Variants in CFAP300 observed in about 807,000 individuals in gnomAD.
CFAP300 encodes cilia and flagella associated protein 300.
Under a neutral mutation model 33.0 loss-of-function variants are expected in CFAP300, and 32 were observed. The ratio of observed to expected loss-of-function variants is 0.97; its 90% CI spans 0.73 to 1.30. CFAP300 has a LOEUF of 1.30. Ranked by LOEUF, CFAP300 falls within the 50% of genes most tolerant of loss-of-function variation. CFAP300 has a pLI of 0.00. For missense variants in CFAP300, 356 were observed against 318.1 expected, an observed-to-expected ratio of 1.12 and a Z score of -0.90; for synonymous variants, 102 against 106.8, an observed-to-expected ratio of 0.95 and a Z score of 0.28.
chr11:102,060,407 G>A (rs1441380208), intron 3 of CFAP300, among the ~76,000 whole-genome samples: 3 of 151,616 alleles, frequency 2.0e-5, no homozygotes, highest in Admixed American at 6.6e-5. Context: ...GTGAGCCACC[G>A]CGCCCAGCTA....
intron 5 of CFAP300, among the ~76,000 whole-genome samples, chr11:102,077,219 T>C (rs1942408329): frequency 6.6e-6 from 1 of 152,166 alleles, no homozygotes; most frequent in Non-Finnish European, 1.5e-5. Flanking sequence ...GGAGATTGTG[T>C]TGGAGATATT....
rs937913571 is a variant in CFAP300, at chr11:102,075,999, A to G, written c.562A>G (p.Ser188Gly). The G allele has an allele frequency of 6.2e-7, 1 of 1,613,404 alleles. No individual in the cohort carries two copies. Among genetic ancestry groups the G allele is most frequent in the Non-Finnish European group, 8.5e-7 (1 of 1,179,820 alleles). The change falls in exon 5 of 7, where the codon AGC becomes GGC. Residue 188 changes from serine (S) to glycine (G), a missense_variant. Coordinates refer to ENST00000434758, the MANE Select transcript of CFAP300 (RefSeq NM_032930.3). The part of the protein sequence containing the change: ...GALCQYEDVI[S>G]PYLETTKLIY... ...CCTTTGTCAATATGAGGATGTGATT[A>G]GCCCATATCTGGAAACAACAAAGCT...
Position 102,055,361 on chromosome 11 carries a change from C to CT in CFAP300, c.193-3506dup, listed in dbSNP as rs561779599. Among the ~76,000 whole-genome samples the CT allele has an allele frequency of 4.6e-3, 518 of 113,514 alleles. 25 individuals carry two copies. The highest frequency in any genetic ancestry group is 6.1e-3 in the Non-Finnish European group (358 of 59,098). 74.5% of individuals were successfully genotyped at this position (113,514 alleles called of 152,430 possible). A position where few individuals can be genotyped will look rare whatever the true frequency, so the allele number is the denominator to read the frequency against. On this transcript the variant is annotated intron_variant, in intron 2 of 6. Coordinates refer to ENST00000434758, the MANE Select transcript of CFAP300 (RefSeq NM_032930.3). ...ATTTTGTTTTACCACATGCGTTACT[C>CT]TTTTTTTTTTTTTGAGATAGGGTCT...
chr11:102,063,556 G>A (rs1236728191), intron 3 of CFAP300, among the ~76,000 whole-genome samples: 2 of 152,212 alleles, frequency 1.3e-5, no homozygotes, highest in Non-Finnish European at 2.9e-5. Flanking sequence ...AGCAGGACAA[G>A]GTGGCTCACC....
chr11:102,078,741 C>T (rs1942435012), intron 5 of CFAP300, among the ~76,000 whole-genome samples: 1 of 152,098 alleles, frequency 6.6e-6, no homozygotes, highest in Non-Finnish European at 1.5e-5. Context: ...TGGAGTCTCA[C>T]TCTATCGCCC....
chr11:102,072,616 G>A lies in CFAP300; in HGVS notation c.436-3257G>A, dbSNP rs113118956. ...CCATGCCTGGCCATATCATTATTTT[G>A]AATTTTTTTCTTATAGCTCATAAAT... On this transcript the variant is annotated intron_variant, in intron 4 of 6. Transcript: ENST00000434758. 4.0e-4 allele frequency among the ~76,000 whole-genome samples: 61 copies of A among 151,950 alleles called. 1 individual carries two copies. Among genetic ancestry groups the A allele is most frequent in the African/African-American group, 1.4e-3 (58 of 41,474 alleles).
chr11:102,048,950 C>T (rs1360276466), intron 2 of CFAP300, among the ~76,000 whole-genome samples: 2 of 152,224 alleles, frequency 1.3e-5, no homozygotes, highest in Non-Finnish European at 2.9e-5. Flanking sequence ...CTATCATGTG[C>T]TAGGAATTCC....
chr11:102,066,734 A>G lies in CFAP300; in HGVS notation c.435+83A>G, dbSNP rs145810570. 5.9e-4 allele frequency: 685 copies of G among 1,156,534 alleles called. 4 individuals carry two copies. The highest frequency in any genetic ancestry group is 3.6e-3 in the Middle Eastern group (13 of 3,620). The allele number at this position is 1,156,534 out of a possible 1,614,324, so 71.6% of individuals were successfully genotyped here. On this transcript the variant is annotated intron_variant, in intron 4 of 6. Transcript: ENST00000434758. Reference sequence around the variant, plus strand: ...GGCAAAAACTTTGCCTGCTTAAAGCATAAAATACCTTGTCATAAAATACCA... The same window carrying G: ...GGCAAAAACTTTGCCTGCTTAAAGCGTAAAATACCTTGTCATAAAATACCA...
Position 102,047,807 on chromosome 11 carries a change from T to C in CFAP300, c.111-8T>C. 6.2e-7 allele frequency: 1 copy of C among 1,613,868 alleles called. No individual in the cohort carries two copies. The highest frequency in any genetic ancestry group is 1.7e-4 in the Middle Eastern group (1 of 5,994). ...CCCAGATGATTTCTTTTTCCTCCTC[T>C]GCCCCAGGTCCATGCTGGGCAGAAT... On this transcript the variant is annotated splice_polypyrimidine_tract_variant and splice_region_variant and intron_variant, in intron 1 of 6. Coordinates refer to ENST00000434758, the MANE Select transcript of CFAP300 (RefSeq NM_032930.3).
chr11:102,053,176 C>T (rs1428871368), intron 2 of CFAP300, among the ~76,000 whole-genome samples: 1 of 151,694 alleles, frequency 6.6e-6, no homozygotes, highest in Non-Finnish European at 1.5e-5. Context: ...TTGCAGTGAG[C>T]TGAGATTGCG....
intron 3 of CFAP300, among the ~76,000 whole-genome samples, chr11:102,059,160 A>G (rs1942103392): frequency 6.6e-6 from 1 of 152,014 alleles, no homozygotes; most frequent in Non-Finnish European, 1.5e-5. Context: ...CATAAGAGCA[A>G]TTTTTCTCTC....
intron 2 of CFAP300, among the ~76,000 whole-genome samples, chr11:102,054,718 G>A (rs1202443101): frequency 9.8e-6 from 1 of 101,938 alleles, no homozygotes; most frequent in Non-Finnish European, 1.8e-5. Context: ...GACAGAGCAA[G>A]ACTTGGTCTC....
At chr11:102,078,313 A>G (rs1261132782) in intron 5 of CFAP300, among the ~76,000 whole-genome samples, 5 of 152,202 alleles carry the variant, frequency 3.3e-5, no homozygotes, top group African/African-American at 7.2e-5. Flanking sequence ...AGAAACAACT[A>G]TATTATGTCC....
chr11:102,069,883 C>A (rs1942286449), intron 4 of CFAP300, among the ~76,000 whole-genome samples: 1 of 152,090 alleles, frequency 6.6e-6, no homozygotes. Flanking sequence ...GGGAGGATTG[C>A]CTGAACTCAG....
At chr11:102,053,619 C>G (rs929474047) in intron 2 of CFAP300, among the ~76,000 whole-genome samples, 1 of 152,142 alleles carries the variant, frequency 6.6e-6, no homozygotes, top group Non-Finnish European at 1.5e-5. Context: ...GTGGCTCATG[C>G]CTATAATCCC....
At chr11:102,069,866 C>T (rs1400839998) in intron 4 of CFAP300, among the ~76,000 whole-genome samples, 1 of 151,814 alleles carries the variant, frequency 6.6e-6, no homozygotes, top group Non-Finnish European at 1.5e-5. Flanking sequence ...ACTTGGAAGG[C>T]GGAGGTGGGA....
At chr11:102,048,418 CT>C (rs1941919993) in intron 2 of CFAP300, among the ~76,000 whole-genome samples, 1 of 152,052 alleles carries the variant, frequency 6.6e-6, no homozygotes, top group South Asian at 2.1e-4. Context: ...CAGAGTCTCA[CT>C]ATGTTACCCA....
intron 4 of CFAP300, among the ~76,000 whole-genome samples, chr11:102,068,741 C>G (rs556527699): frequency 6.6e-6 from 1 of 152,274 alleles, no homozygotes; most frequent in East Asian, 1.9e-4. Context: ...GAGCTGAGAT[C>G]ACACCACTGC....
intron 2 of CFAP300, 51 bp downstream of exon 2, chr11:102,047,947 T>C: frequency 1.3e-6 from 2 of 1,569,592 alleles, no homozygotes; most frequent in Non-Finnish European, 1.7e-6. Flanking sequence ...TTTTTAAACT[T>C]CCCCCCAAGT....
Sources: gnomAD v4.1 joint callset for allele counts (sites outside exome capture counted in the v4.1 genomes callset) on GRCh38, gnomAD v4.1.1 for gene constraint, MANE v1.5 for transcripts, NCBI Gene and HGNC (gene_info 2026-07-23, HGNC 2026-07-21) for gene names.